Variants in CSMD1 observed in about 807,000 individuals in gnomAD.
The protein encoded by CSMD1 is CUB and Sushi multiple domains 1, also known as CUB and sushi domain-containing protein 1.
Under a neutral mutation model 417.5 loss-of-function variants are expected in CSMD1, and 213 were observed. The ratio of observed to expected loss-of-function variants is 0.51; its 90% CI spans 0.46 to 0.57. The LOEUF is 0.57. Ranked by LOEUF, CSMD1 falls within the 20% of genes least tolerant of loss-of-function variation. The pLI, the probability that CSMD1 is intolerant of heterozygous loss-of-function variation, is 0.00. For missense variants in CSMD1, 6,923 were observed against 4,529.7 expected (o/e 1.53, Z -15.17); for synonymous variants, 2,862 against 1,736.8 (o/e 1.65, Z -16.11).
intron 3 of CSMD1, among the ~76,000 whole-genome samples, chr8:4,392,882 T>C (rs147284182): frequency 0.012 from 1,803 of 151,862 alleles, 21 homozygotes; most frequent in African/African-American, 0.041. Flanking sequence ...GGCAGGAGAA[T>C]TGCTTGAACC....
intron 10 of CSMD1, among the ~76,000 whole-genome samples, chr8:3,498,235 T>A (rs539226647): frequency 6.6e-6 from 1 of 152,328 alleles, no homozygotes; most frequent in East Asian, 1.9e-4. Context: ...TAGACTTCTC[T>A]TTGTCTTTGA....
intron 12 of CSMD1, among the ~76,000 whole-genome samples, chr8:3,437,420 C>G (rs1814636352): frequency 6.6e-6 from 1 of 152,138 alleles, no homozygotes. Context: ...ATCCTAAAGG[C>G]TGAATTAAAT....
At chr8:4,215,261 A>G (rs1331511405) in intron 3 of CSMD1, among the ~76,000 whole-genome samples, 1 of 152,190 alleles carries the variant, frequency 6.6e-6, no homozygotes, top group Non-Finnish European at 1.5e-5. Context: ...TCCTGTTCAT[A>G]GCCAAATGCT....
chr8:3,470,179 GTTT>G lies in CSMD1; in HGVS notation c.1449-1358_1449-1356del, dbSNP rs1219847368. On this transcript the variant is annotated intron_variant, in intron 11 of 69. Coordinates refer to ENST00000635120, the MANE Select transcript of CSMD1 (RefSeq NM_033225.6). ...CTATCAGTTTTACATCTTCTTTAAA[GTTT>G]TTTTGTAAATGAAATCATACTATAT... Among the ~76,000 whole-genome samples, 6 of 152,102 alleles carry G rather than the reference GTTT, an allele frequency of 3.9e-5. No homozygotes were observed. In the East Asian group the frequency reaches 1.2e-3, roughly 29 times the overall value.
At chr8:3,033,734 T>C (rs146397047) in intron 50 of CSMD1, among the ~76,000 whole-genome samples, 5 of 152,262 alleles carry the variant, frequency 3.3e-5, no homozygotes, top group Non-Finnish European at 5.9e-5. Context: ...ACCTGTATGT[T>C]CTGCACATGA....
intron 6 of CSMD1, among the ~76,000 whole-genome samples, chr8:3,723,121 T>A (rs934982331): frequency 1.3e-5 from 2 of 152,126 alleles, no homozygotes; most frequent in Non-Finnish European, 2.9e-5. Context: ...ATTGGTGAAG[T>A]CCAATTCGGT....
At chr8:4,008,945 T>C (rs994797117) in intron 4 of CSMD1, among the ~76,000 whole-genome samples, 3 of 152,162 alleles carry the variant, frequency 2.0e-5, no homozygotes, top group African/African-American at 7.2e-5. Flanking sequence ...TCCTATGATT[T>C]CCATGCCAAA....
intron 3 of CSMD1, among the ~76,000 whole-genome samples, chr8:4,324,417 G>T (rs1313876204): frequency 6.6e-6 from 1 of 152,208 alleles, no homozygotes; most frequent in Non-Finnish European, 1.5e-5. Context: ...CACCCTGGCA[G>T]GAAAGCTAGA....
At chr8:3,095,814 T>G (rs577154333) in intron 47 of CSMD1, among the ~76,000 whole-genome samples, 1 of 152,334 alleles carries the variant, frequency 6.6e-6, no homozygotes, top group East Asian at 1.9e-4. Flanking sequence ...TCCTTCCATT[T>G]CAAATTGACG....
At chr8:4,077,305 A>ATATATGTG (rs1799879256) in intron 3 of CSMD1, among the ~76,000 whole-genome samples, 1 of 130,358 alleles carries the variant, frequency 7.7e-6, no homozygotes, top group African/African-American at 2.8e-5. Flanking sequence ...GTGTATATAT[A>ATATATGTG]TATATATATA....
chr8:4,123,788 C>A (rs773458803), intron 3 of CSMD1, among the ~76,000 whole-genome samples: 7 of 151,850 alleles, frequency 4.6e-5, no homozygotes, highest in African/African-American at 1.2e-4. Flanking sequence ...TCAGAAGAAC[C>A]CAAAATAAAA....
intron 3 of CSMD1, among the ~76,000 whole-genome samples, chr8:4,111,658 T>C (rs1423194736): frequency 6.6e-6 from 1 of 152,106 alleles, no homozygotes; most frequent in Non-Finnish European, 1.5e-5. Flanking sequence ...CTTCAGCAAA[T>C]TCCTGCAGGA....
At chr8:4,937,562 T>A (rs1238080347) in intron 1 of CSMD1, among the ~76,000 whole-genome samples, 1 of 152,168 alleles carries the variant, frequency 6.6e-6, no homozygotes, top group Non-Finnish European at 1.5e-5. Flanking sequence ...CCTCTTTCTG[T>A]CAGCATGACA....
intron 33 of CSMD1, among the ~76,000 whole-genome samples, chr8:3,194,576 G>A (rs1213239348): frequency 6.6e-6 from 1 of 151,428 alleles, no homozygotes; most frequent in Non-Finnish European, 1.5e-5. Context: ...TCCTGCCTCA[G>A]CCTCTCAAGA....
intron 3 of CSMD1, among the ~76,000 whole-genome samples, chr8:4,238,565 A>G (rs944218714): frequency 6.6e-6 from 1 of 152,166 alleles, no homozygotes; most frequent in Non-Finnish European, 1.5e-5. Flanking sequence ...TTAGTTAGAC[A>G]ATGTGTCCAT....
intron 7 of CSMD1, among the ~76,000 whole-genome samples, chr8:3,662,138 A>G (rs1265360071): frequency 6.6e-6 from 1 of 152,194 alleles, no homozygotes; most frequent in South Asian, 2.1e-4. Flanking sequence ...TATCTTCACA[A>G]AAGATTTAGG....
intron 3 of CSMD1, among the ~76,000 whole-genome samples, chr8:4,201,807 G>C (rs964806056): frequency 6.8e-6 from 1 of 147,702 alleles, no homozygotes; most frequent in African/African-American, 2.6e-5. Flanking sequence ...CACGACTGCT[G>C]TTCAAATTCT....
intron 69 of CSMD1, among the ~76,000 whole-genome samples, chr8:2,940,244 C>T (rs190065803): frequency 0.012 from 1,828 of 152,292 alleles, 32 homozygotes; most frequent in South Asian, 0.027. Flanking sequence ...CCCTGGGCTT[C>T]CTTGCTTCTA....
chr8:4,468,412 G>A (rs544472509), intron 2 of CSMD1, among the ~76,000 whole-genome samples: 31 of 152,314 alleles, frequency 2.0e-4, no homozygotes, highest in African/African-American at 6.3e-4. Context: ...TAGCAGGGTA[G>A]ACAACACCTA....
Sources: gnomAD v4.1 joint callset for allele counts (sites outside exome capture counted in the v4.1 genomes callset) on GRCh38, gnomAD v4.1.1 for gene constraint, MANE v1.5 for transcripts, NCBI Gene and HGNC (gene_info 2026-07-23, HGNC 2026-07-21) for gene names.